USP13: variants seen among roughly 807,000 people sequenced by gnomAD.
USP13 encodes ubiquitin specific peptidase 13, also known as ubiquitin carboxyl-terminal hydrolase 13.
USP13 carries 68 observed loss-of-function variants against 107.8 expected under a neutral mutation model. The ratio of observed to expected loss-of-function variants is 0.63; its 90% CI spans 0.52 to 0.77. The LOEUF (loss-of-function observed/expected upper bound fraction) is 0.77, where lower values mean the gene tolerates loss of function less well. Ranked by LOEUF, USP13 falls within the 30% of genes least tolerant of loss-of-function variation. The probability of loss-of-function intolerance (pLI) is 0.00; values close to 1 mark genes in which losing one functional copy is unlikely to be tolerated. For synonymous variants in USP13, 377 were observed against 389.5 expected, an observed-to-expected ratio of 0.97 and a Z score of 0.38; for missense variants, 945 against 1,093.3, an observed-to-expected ratio of 0.86 and a Z score of 1.91.
chr3:179,750,326 G>GTA (rs569602060), intron 13 of USP13, among the ~76,000 whole-genome samples: 2,278 of 75,780 alleles, frequency 0.03, 71 homozygotes, highest in African/African-American at 0.07. Flanking sequence ...ATATATGTGT[G>GTA]TATATATATA....
At chr3:179,672,183 CG>C (rs1426653761) in intron 1 of USP13, among the ~76,000 whole-genome samples, 1 of 152,044 alleles carries the variant, frequency 6.6e-6, no homozygotes, top group African/African-American at 2.4e-5. Context: ...TATTTGCCAC[CG>C]TTTTAACATT....
At chr3:179,772,473 G>A (rs939659904) in intron 19 of USP13, among the ~76,000 whole-genome samples, 2 of 152,152 alleles carry the variant, frequency 1.3e-5, no homozygotes, top group African/African-American at 2.4e-5. Flanking sequence ...GCAGAGAGGC[G>A]TTCATTTGCA....
chr3:179,657,762 CAAAAAAAA>C (rs35377039), intron 1 of USP13, among the ~76,000 whole-genome samples: 6 of 73,832 alleles, frequency 8.1e-5, no homozygotes, highest in Non-Finnish European at 1.3e-4. Flanking sequence ...AATTCCGTCT[CAAAAAAAA>C]AAAAAAAAAA....
intron 8 of USP13, among the ~76,000 whole-genome samples, chr3:179,727,999 C>T (rs1282813503): frequency 3.3e-5 from 2 of 60,466 alleles, no homozygotes; most frequent in African/African-American, 9.9e-5. Context: ...CCCTCCCAGA[C>T]GGGGCGGCTG....
At chr3:179,674,349 G>A (rs1255900188) in intron 1 of USP13, among the ~76,000 whole-genome samples, 1 of 152,168 alleles carries the variant, frequency 6.6e-6, no homozygotes, top group Non-Finnish European at 1.5e-5. Flanking sequence ...AACTAGTCAT[G>A]TGCAGTGGGA....
intron 13 of USP13, among the ~76,000 whole-genome samples, chr3:179,748,301 G>C (rs1714480578): frequency 6.6e-6 from 1 of 152,208 alleles, no homozygotes. Flanking sequence ...CATTTTTGTA[G>C]AGCCTTGCTT....
intron 19 of USP13, among the ~76,000 whole-genome samples, chr3:179,772,531 A>G (rs759448435): frequency 6.6e-5 from 10 of 152,176 alleles, no homozygotes; most frequent in Non-Finnish European, 1.5e-4. Flanking sequence ...AATGCCACCC[A>G]GAAGAGGATC....
chr3:179,686,010 A>G (rs757976121), intron 2 of USP13, among the ~76,000 whole-genome samples: 1 of 152,060 alleles, frequency 6.6e-6, no homozygotes, highest in Non-Finnish European at 1.5e-5. Context: ...GTCACTGTCT[A>G]CTTCCATGCA....
At chr3:179,669,187 G>A (rs953847274) in intron 1 of USP13, among the ~76,000 whole-genome samples, 10 of 152,198 alleles carry the variant, frequency 6.6e-5, no homozygotes, top group Non-Finnish European at 1.3e-4. Flanking sequence ...CTGGCTGGGC[G>A]CGGTGGCTCA....
rs746694163 is a variant in USP13 at position 179,690,289 on chromosome 3, A to G, written c.343A>G (p.Lys115Glu). ...GGALPKRRNS[K>E]IFLDLDTDDD... ...AGCGTTACCAAAAAGGAGGAATTCC[A>G]AGATTTTTTTAGGTAAATAGTTATC... The change falls in exon 3 of 21, where the codon AAG becomes GAG. Residue 115 changes from lysine to glutamate, a missense_variant. Physicochemically the swap from Lys to Glu is moderately conservative, Grantham distance 56. Coordinates refer to ENST00000263966, the MANE Select transcript of USP13 (RefSeq NM_003940.3). 2 of 1,614,054 alleles carry G rather than the reference A, an allele frequency of 1.2e-6. No homozygotes were observed. Among genetic ancestry groups the G allele is most frequent in the Admixed American group, 1.7e-5 (1 of 60,012 alleles).
At chr3:179,757,375 T>A (rs530556459) in intron 16 of USP13, among the ~76,000 whole-genome samples, 1 of 152,294 alleles carries the variant, frequency 6.6e-6, no homozygotes, top group South Asian at 2.1e-4. Context: ...AGTTTCCTCA[T>A]GTGTGAATGG....
intron 1 of USP13, among the ~76,000 whole-genome samples, chr3:179,663,214 G>A (rs760373754): frequency 1.2e-4 from 18 of 152,086 alleles, no homozygotes; most frequent in Admixed American, 2.6e-4. Context: ...GCCACTCTAG[G>A]TACTTTATAC....
rs999260652 is a variant in USP13, at chr3:179,741,016, C to T, written c.1380+644C>T. ...TCCTGACCTTGTGATCCACCCGCCTCGGCCTCCCAAAGTGCTGGGATTACA... is the reference window on the plus strand; with the variant it reads ...TCCTGACCTTGTGATCCACCCGCCTTGGCCTCCCAAAGTGCTGGGATTACA... On this transcript the variant is annotated intron_variant, in intron 11 of 20. Coordinates refer to ENST00000263966, the MANE Select transcript of USP13 (RefSeq NM_003940.3). Among the ~76,000 whole-genome samples the T allele has an allele frequency of 3.3e-5, 5 of 152,008 alleles. No homozygotes were observed. In the East Asian group the frequency reaches 7.7e-4, roughly 24 times the overall value.
chr3:179,684,083 C>T (rs778582642), intron 2 of USP13, among the ~76,000 whole-genome samples: 10 of 151,754 alleles, frequency 6.6e-5, no homozygotes, highest in Non-Finnish European at 1.3e-4. Context: ...GCCTCAGCCT[C>T]CTGAGTAGCT....
chr3:179,780,924 C>G (rs1208560925), intron 19 of USP13, among the ~76,000 whole-genome samples: 1 of 152,154 alleles, frequency 6.6e-6, no homozygotes, highest in Non-Finnish European at 1.5e-5. Flanking sequence ...CTCATTTACT[C>G]TAAAGTCTTG....
intron 8 of USP13, among the ~76,000 whole-genome samples, chr3:179,725,948 G>A (rs540242731): frequency 2.0e-5 from 3 of 152,280 alleles, no homozygotes; most frequent in South Asian, 2.1e-4. Flanking sequence ...ACCTCCCACA[G>A]GGTCCCTCCC....
At chr3:179,754,919 T>C in intron 15 of USP13, 65 bp downstream of exon 15, 1 of 1,513,710 alleles carries the variant, frequency 6.6e-7, no homozygotes, top group South Asian at 1.3e-5. Flanking sequence ...ACAGTCTCTT[T>C]CTTCCACCAC....
chr3:179,783,113 A>C (rs16848333), intron 20 of USP13, among the ~76,000 whole-genome samples: 27,955 of 152,104 alleles, frequency 0.18, 3,901 homozygotes, highest in African/African-American at 0.39. Flanking sequence ...CACTTTATGG[A>C]ATGAAGTCAA....
chr3:179,664,344 T>C (rs973551396), intron 1 of USP13, among the ~76,000 whole-genome samples: 2 of 152,178 alleles, frequency 1.3e-5, no homozygotes, highest in Non-Finnish European at 2.9e-5. Context: ...TCCACCTGCC[T>C]TGGCTTCCCA....
Sources: allele counts gnomAD v4.1 joint callset (sites outside exome capture counted in the v4.1 genomes callset), GRCh38; gene constraint gnomAD v4.1.1; transcripts MANE v1.5; gene names NCBI Gene and HGNC (gene_info 2026-07-23, HGNC 2026-07-21).